The following THEMIS variants were observed in gnomAD, a reference collection of about 807,000 sequenced individuals.
THEMIS encodes the protein thymocyte selection associated.
THEMIS carries 37 observed loss-of-function variants against 52.6 expected under a neutral mutation model. The ratio of observed to expected loss-of-function variants is 0.70; its 90% CI spans 0.54 to 0.93. The LOEUF is 0.93. Among genes scored for constraint, THEMIS ranks in the 40% least tolerant of loss-of-function variants. THEMIS has a pLI of 0.00. For missense variants in THEMIS, 808 were observed against 763.1 expected, an observed-to-expected ratio of 1.06 and a Z score of -0.69; for synonymous variants, 292 against 272.7, an observed-to-expected ratio of 1.07 and a Z score of -0.70.
downstream of THEMIS, among the ~76,000 whole-genome samples, chr6:127,706,228 T>TA (rs1176721459): frequency 1.3e-5 from 2 of 151,882 alleles, no homozygotes; most frequent in Non-Finnish European, 2.9e-5. Flanking sequence ...TATTATAAAA[T>TA]AAAAACACAT....
At chr6:127,827,954 C>T (rs181965092) in intron 3 of THEMIS, among the ~76,000 whole-genome samples, 3 of 152,242 alleles carry the variant, frequency 2.0e-5, no homozygotes, top group Admixed American at 1.3e-4. Flanking sequence ...TTTCAACCTG[C>T]CCTCTCCGTT....
At chr6:127,757,778 C>T (rs1036109843) in intron 4 of THEMIS, among the ~76,000 whole-genome samples, 12 of 152,100 alleles carry the variant, frequency 7.9e-5, no homozygotes, top group African/African-American at 2.4e-4. Context: ...CCACCATGCC[C>T]GGCCCATATA....
chr6:127,853,217 G>A (rs1007684836), intron 2 of THEMIS, among the ~76,000 whole-genome samples: 12 of 151,630 alleles, frequency 7.9e-5, no homozygotes, highest in African/African-American at 2.9e-4. Flanking sequence ...CATGCAAAAT[G>A]TGATAAATGC....
At chr6:127,775,653 A>C (rs985917604) in intron 4 of THEMIS, among the ~76,000 whole-genome samples, 1 of 148,700 alleles carries the variant, frequency 6.7e-6, no homozygotes, top group Non-Finnish European at 1.5e-5. Context: ...TTTTTTTTGC[A>C]GTGAATGTTC....
At chr6:127,889,653 T>C (rs1296354377) in intron 1 of THEMIS, among the ~76,000 whole-genome samples, 1 of 152,132 alleles carries the variant, frequency 6.6e-6, no homozygotes, top group Non-Finnish European at 1.5e-5. Context: ...TTAGTTAATT[T>C]CAAGGTTGCT....
At chr6:127,766,733 T>A (rs765572768) in intron 4 of THEMIS, among the ~76,000 whole-genome samples, 1 of 152,038 alleles carries the variant, frequency 6.6e-6, no homozygotes, top group Non-Finnish European at 1.5e-5. Flanking sequence ...TAAACATATA[T>A]AAAATAGAAA....
chr6:127,865,179 G>A (rs2114353909), intron 1 of THEMIS, among the ~76,000 whole-genome samples: 2 of 152,188 alleles, frequency 1.3e-5, no homozygotes, highest in South Asian at 4.1e-4. Flanking sequence ...TGTGGCCAAG[G>A]ACCTCAGGTG....
chr6:127,737,457 C>A (rs559354078), intron 4 of THEMIS, among the ~76,000 whole-genome samples: 1 of 152,296 alleles, frequency 6.6e-6, no homozygotes, highest in Non-Finnish European at 1.5e-5. Context: ...TATTGTGTTT[C>A]TTAAAGCAGA....
At chr6:127,851,008 C>T (rs912176865) in intron 2 of THEMIS, among the ~76,000 whole-genome samples, 6 of 151,406 alleles carry the variant, frequency 4.0e-5, no homozygotes, top group Non-Finnish European at 8.9e-5. Flanking sequence ...ATCGTGTCTA[C>T]ATAACTAGAA....
intron 4 of THEMIS, among the ~76,000 whole-genome samples, chr6:127,772,909 T>C (rs1711983544): frequency 6.6e-6 from 1 of 152,174 alleles, no homozygotes; most frequent in Non-Finnish European, 1.5e-5. Context: ...AACATTTGTT[T>C]ATTAGACTTC....
chr6:127,697,260 A>C, the THEMIS span, among the ~76,000 whole-genome samples: 1 of 152,112 alleles, frequency 6.6e-6, no homozygotes, highest in Non-Finnish European at 1.5e-5. Context: ...TCTATTTCCC[A>C]CAACTATATC....
chr6:127,723,752 T>A (rs1774444952), intron 4 of THEMIS, among the ~76,000 whole-genome samples: 1 of 152,074 alleles, frequency 6.6e-6, no homozygotes, highest in Non-Finnish European at 1.5e-5. Flanking sequence ...TTCCTGCAAG[T>A]GTCACTCACT....
chr6:127,802,618 C>T (rs908702944), intron 4 of THEMIS, among the ~76,000 whole-genome samples: 2 of 152,208 alleles, frequency 1.3e-5, no homozygotes, highest in South Asian at 2.1e-4. Context: ...ACTTCTAGGT[C>T]GAATGGGCAA....
intron 4 of THEMIS, among the ~76,000 whole-genome samples, chr6:127,790,198 G>A (rs1248638791): frequency 6.6e-6 from 1 of 152,172 alleles, no homozygotes; most frequent in African/African-American, 2.4e-5. Flanking sequence ...CAAAATCAAT[G>A]TGCAAAAATC....
chr6:127,764,305 T>C (rs1583248105), intron 4 of THEMIS, among the ~76,000 whole-genome samples: 3 of 151,554 alleles, frequency 2.0e-5, no homozygotes, highest in African/African-American at 7.3e-5. Flanking sequence ...TTCATTTTGT[T>C]GAACTCTATA....
At chr6:127,890,118 A>G (rs1320409162) in intron 1 of THEMIS, among the ~76,000 whole-genome samples, 1 of 152,114 alleles carries the variant, frequency 6.6e-6, no homozygotes, top group Non-Finnish European at 1.5e-5. Flanking sequence ...TTAATGATAA[A>G]CCTGCTGTAT....
intron 4 of THEMIS, among the ~76,000 whole-genome samples, chr6:127,809,779 T>C (rs989102949): frequency 1.3e-5 from 2 of 151,326 alleles, no homozygotes; most frequent in African/African-American, 4.9e-5. Context: ...GATGTCATAA[T>C]GGAATATAAG....
intron 4 of THEMIS, among the ~76,000 whole-genome samples, chr6:127,777,155 T>G (rs1449107210): frequency 6.6e-6 from 1 of 152,074 alleles, no homozygotes; most frequent in Non-Finnish European, 1.5e-5. Context: ...AAAGTGGTTA[T>G]TGATGTGTTT....
At chr6:127,747,674 TAAGA>T (rs1395968304) in intron 4 of THEMIS, among the ~76,000 whole-genome samples, 1 of 151,872 alleles carries the variant, frequency 6.6e-6, no homozygotes, top group Admixed American at 6.6e-5. Context: ...AGACTACTCA[TAAGA>T]TAAAGTTATT....
Sources: gnomAD v4.1 joint callset for allele counts (sites outside exome capture counted in the v4.1 genomes callset) on GRCh38, gnomAD v4.1.1 for gene constraint, MANE v1.5 for transcripts, NCBI Gene and HGNC (gene_info 2026-07-23, HGNC 2026-07-21) for gene names.